Variants in YWHAG observed in about 807,000 individuals in gnomAD.
YWHAG encodes 14-3-3 protein gamma.
A neutral mutation model predicts 23.3 loss-of-function variants in YWHAG; 1 was observed. The observed-to-expected ratio is 0.04, with a 90% CI of 0.02 to 0.20. The LOEUF (loss-of-function observed/expected upper bound fraction) is 0.20. Ranked by LOEUF, YWHAG falls within the 10% of genes least tolerant of loss-of-function variation. YWHAG has a pLI of 1.00. For synonymous variants in YWHAG, 160 were observed against 144.0 expected (o/e 1.11, Z -0.80); for missense variants, 151 against 338.6 (o/e 0.45, Z 4.35).
At chr7:76,335,239 A>G (rs1323749118) in intron 1 of YWHAG, among the ~76,000 whole-genome samples, 2 of 151,870 alleles carry the variant, frequency 1.3e-5, no homozygotes, top group Non-Finnish European at 2.9e-5. Context: ...TGTACTTTTA[A>G]TAGAGACGGG....
At chr7:76,349,228 G>C (rs771522114) in intron 1 of YWHAG, among the ~76,000 whole-genome samples, 7 of 151,368 alleles carry the variant, frequency 4.6e-5, no homozygotes, top group Non-Finnish European at 8.8e-5. Flanking sequence ...TGTAGTCCCA[G>C]CTACTCGGGA....
intron 1 of YWHAG, among the ~76,000 whole-genome samples, chr7:76,345,134 C>A (rs1339475812): frequency 1.3e-5 from 2 of 151,944 alleles, no homozygotes; most frequent in Non-Finnish European, 2.9e-5. Flanking sequence ...TTATTGCCTG[C>A]CACCTCTTCT....
intron 1 of YWHAG, 143 bp downstream of exon 1, chr7:76,358,579 G>T: frequency 1.3e-6 from 1 of 787,866 alleles, no homozygotes; most frequent in Non-Finnish European, 1.9e-6. Context: ...CGCCTCTCGG[G>T]ACCCTCCCCA....
chr7:76,355,915 G>C (rs1178766787), intron 1 of YWHAG, among the ~76,000 whole-genome samples: 1 of 152,110 alleles, frequency 6.6e-6, no homozygotes, highest in Non-Finnish European at 1.5e-5. Context: ...ATACATCTAG[G>C]TGTTCACTCT....
At chr7:76,346,452 T>C (rs946549246) in intron 1 of YWHAG, among the ~76,000 whole-genome samples, 3 of 152,218 alleles carry the variant, frequency 2.0e-5, no homozygotes, top group Non-Finnish European at 4.4e-5. Context: ...TGGTTATTAG[T>C]GGATCCTAAA....
intron 1 of YWHAG, among the ~76,000 whole-genome samples, chr7:76,355,993 C>G (rs1803949839): frequency 2.0e-5 from 3 of 152,210 alleles, no homozygotes; most frequent in African/African-American, 7.2e-5. Context: ...TTTCAAAATA[C>G]TGCACAATAC....
chr7:76,358,687 G>T, intron 1 of YWHAG, 35 bp downstream of exon 1: 1 of 1,534,850 alleles, frequency 6.5e-7, no homozygotes, highest in African/African-American at 1.4e-5. Flanking sequence ...CTTCGGAGGG[G>T]CAGGGAGCGG....
intron 1 of YWHAG, among the ~76,000 whole-genome samples, chr7:76,335,779 T>C (rs1803606978): frequency 6.6e-6 from 1 of 152,102 alleles, no homozygotes; most frequent in Admixed American, 6.5e-5. Flanking sequence ...GGCGAAACCC[T>C]GTCTCTACTA....
At chr7:76,330,325 G>T in intron 1 of YWHAG, 92 bp from the exon 2 acceptor site, 1 of 1,305,812 alleles carries the variant, frequency 7.7e-7, no homozygotes, top group Non-Finnish European at 1.0e-6. Flanking sequence ...GCTCTGTTGA[G>T]TAACATGATG....
Position 76,344,744 on chromosome 7 carries a change from T to C in YWHAG, c.87+13978A>G, listed in dbSNP as rs17149148. Among the ~76,000 whole-genome samples the C allele has an allele frequency of 7.7e-3, 1,170 of 152,300 alleles. 17 individuals are homozygous for C. Among genetic ancestry groups the C allele is most frequent in the African/African-American group, 0.027 (1,128 of 41,566 alleles). On this transcript the variant is annotated intron_variant, in intron 1 of 1. Transcript: ENST00000307630. ...AATGAATTATAAACATTAGTTGAAC[T>C]CATCAATTGGGACAACTTACCCCAA...
intron 1 of YWHAG, among the ~76,000 whole-genome samples, chr7:76,339,262 G>A (rs1402880268): frequency 6.6e-6 from 1 of 152,106 alleles, no homozygotes; most frequent in Non-Finnish European, 1.5e-5. Context: ...CTGAGGTCAG[G>A]AGTTCAAGAC....
At chr7:76,349,110 A>C (rs1167942681) in intron 1 of YWHAG, among the ~76,000 whole-genome samples, 1 of 152,030 alleles carries the variant, frequency 6.6e-6, no homozygotes, top group African/African-American at 2.4e-5. Flanking sequence ...TGGGAGGCCG[A>C]GGTAGGTGGA....
chr7:76,335,251 T>C (rs1158403214), intron 1 of YWHAG, among the ~76,000 whole-genome samples: 2 of 151,724 alleles, frequency 1.3e-5, no homozygotes, highest in South Asian at 2.1e-4. Flanking sequence ...AGAGACGGGG[T>C]TTCATCATGT....
At chr7:76,343,028 T>C (rs1047552075) in intron 1 of YWHAG, among the ~76,000 whole-genome samples, 1 of 151,976 alleles carries the variant, frequency 6.6e-6, no homozygotes, top group Non-Finnish European at 1.5e-5. Flanking sequence ...TCCCAGCTAC[T>C]TGAGAGGGTG....
intron 1 of YWHAG, among the ~76,000 whole-genome samples, chr7:76,355,716 G>T (rs1306638511): frequency 1.3e-5 from 2 of 152,136 alleles, no homozygotes; most frequent in Non-Finnish European, 2.9e-5. Context: ...GAAAAATTAT[G>T]ATAGCCTTTT....
At chr7:76,340,142 G>A (rs1803670751) in intron 1 of YWHAG, among the ~76,000 whole-genome samples, 1 of 151,988 alleles carries the variant, frequency 6.6e-6, no homozygotes, top group African/African-American at 2.4e-5. Flanking sequence ...CAAACAAAAA[G>A]GTTACACATG....
At chr7:76,336,647 G>GT (rs1803620344) in intron 1 of YWHAG, among the ~76,000 whole-genome samples, 1 of 151,888 alleles carries the variant, frequency 6.6e-6, no homozygotes, top group Non-Finnish European at 1.5e-5. Context: ...GTAGAGACAG[G>GT]GTTTCACCAC....
At chr7:76,346,018 G>C (rs1054974411) in intron 1 of YWHAG, among the ~76,000 whole-genome samples, 1 of 152,080 alleles carries the variant, frequency 6.6e-6, no homozygotes, top group Admixed American at 6.6e-5. Context: ...CCTCTTCCTG[G>C]TTCTTTCAAA....
chr7:76,354,846 T>C (rs1803927386), intron 1 of YWHAG, among the ~76,000 whole-genome samples: 1 of 152,244 alleles, frequency 6.6e-6, no homozygotes, highest in South Asian at 2.1e-4. Flanking sequence ...TTTGCTCAGA[T>C]TTCAAGTAAA....
Sources: allele counts gnomAD v4.1 joint callset (sites outside exome capture counted in the v4.1 genomes callset), GRCh38; gene constraint gnomAD v4.1.1; transcripts MANE v1.5; gene names NCBI Gene and HGNC (gene_info 2026-07-23, HGNC 2026-07-21).